Variants in FRMPD4 observed in about 807,000 individuals in gnomAD.
FRMPD4 encodes FERM and PDZ domain-containing protein 4.
FRMPD4 carries 22 observed loss-of-function variants against 94.1 expected under a neutral mutation model. That is an observed-to-expected ratio of 0.23 (90% CI 0.17 to 0.33). FRMPD4 has a LOEUF of 0.33. FRMPD4 is among the 10% of genes least tolerant of loss of function. The probability of loss-of-function intolerance (pLI) is 1.00; values close to 1 mark genes in which losing one functional copy is unlikely to be tolerated. For missense variants in FRMPD4, 1,111 were observed against 1,339.9 expected (o/e 0.83, Z 2.67); for synonymous variants, 631 against 548.6 (o/e 1.15, Z -2.10).
chrX:12,114,952 C>T (rs2055396131), intron 3 of FRMPD4, among the ~76,000 whole-genome samples: 3 of 112,026 alleles, frequency 2.7e-5, no homozygotes, highest in Admixed American at 9.5e-5. Context: ...GCTCACTTGC[C>T]AGATATCTTT....
At chrX:12,264,406 G>C in intron 1 of FRMPD4, among the ~76,000 whole-genome samples, 1 of 111,802 alleles carries the variant, frequency 8.9e-6, no homozygotes, top group Non-Finnish European at 1.9e-5. Flanking sequence ...ACAGGAGACA[G>C]TTGGGTGTTG....
chrX:12,086,642 G>A (rs146254091), intron 3 of FRMPD4, among the ~76,000 whole-genome samples: 3,508 of 111,480 alleles, frequency 0.031, 137 homozygotes, highest in African/African-American at 0.11. Flanking sequence ...GGGATGTGAC[G>A]TGGAGGGCCC....
chrX:12,452,208 CT>C (rs2057280693), intron 1 of FRMPD4, among the ~76,000 whole-genome samples: 1 of 111,446 alleles, frequency 9.0e-6, no homozygotes, highest in Non-Finnish European at 1.9e-5. Flanking sequence ...TTATTTTTTA[CT>C]TTGAATCTCC....
At position 12,378,225 on chromosome X, in the gene FRMPD4, G is replaced by C. The variant is rs936587886; in HGVS notation, c.42-120455G>C. On this transcript the variant is annotated intron_variant, in intron 1 of 16. Transcript: ENST00000675598. ...TTTGCTGGAAGAGAAAACTCCTCTG[G>C]AGAGGAAATTGGTATTGTATTTTAG... Among the ~76,000 whole-genome samples, 8 of 112,326 alleles carry C rather than the reference G, an allele frequency of 7.1e-5. No homozygotes were observed. In the East Asian group the frequency reaches 8.3e-4, roughly 12 times the overall value.
At chrX:11,853,418 C>A (rs1471829774) in intron 1 of FRMPD4, among the ~76,000 whole-genome samples, 1 of 110,334 alleles carries the variant, frequency 9.1e-6, no homozygotes, top group Non-Finnish European at 1.9e-5. Context: ...AAAGAAAAAA[C>A]CCTTCAAAAG....
intron 2 of FRMPD4, among the ~76,000 whole-genome samples, chrX:12,544,882 C>G (rs1199402285): frequency 8.9e-6 from 1 of 112,047 alleles, no homozygotes; most frequent in East Asian, 2.8e-4. Flanking sequence ...CTTTCTTCTT[C>G]TACAAAAAGA....
intron 3 of FRMPD4, among the ~76,000 whole-genome samples, chrX:11,930,107 C>CAAAAAGAAAAAAA: frequency 7.5e-5 from 1 of 13,256 alleles, no homozygotes; most frequent in Non-Finnish European, 1.3e-4. Context: ...GACTCTGTCT[C>CAAAAAGAAAAAAA]AAAAAAAAAA....
chrX:12,400,515 C>G (rs1320796883), intron 1 of FRMPD4, among the ~76,000 whole-genome samples: 2 of 111,970 alleles, frequency 1.8e-5, no homozygotes, highest in East Asian at 5.6e-4. Flanking sequence ...ATCACATTAA[C>G]AATCATCATT....
At chrX:11,942,201 G>A (rs1422984236) in intron 3 of FRMPD4, among the ~76,000 whole-genome samples, 1 of 108,002 alleles carries the variant, frequency 9.3e-6, no homozygotes, top group African/African-American at 3.3e-5. Flanking sequence ...GAATTTCATA[G>A]GCAATTATGT....
intron 1 of FRMPD4, among the ~76,000 whole-genome samples, chrX:12,364,522 G>A (rs967166037): frequency 1.8e-5 from 2 of 110,544 alleles, no homozygotes; most frequent in African/African-American, 3.3e-5. Flanking sequence ...TGGAGTATGA[G>A]AGCTCCATAA....
chrX:12,686,003 C>T lies in FRMPD4; in HGVS notation c.574-94C>T. 9.7e-6 allele frequency: 4 copies of T among 413,598 alleles called. No individual in the cohort carries two copies. In the South Asian group the frequency reaches 2.2e-4, roughly 23 times the overall value. The allele number at this position is 413,598 out of a possible 1,213,427, so 34.1% of individuals were successfully genotyped here. ...TAGAGAGTTTGATTGTTTTTTAATGCCATGCTTAGAATAAAGTATAGATGT... is the reference window on the plus strand; with the variant it reads ...TAGAGAGTTTGATTGTTTTTTAATGTCATGCTTAGAATAAAGTATAGATGT... On this transcript the variant is annotated intron_variant, in intron 6 of 16. Transcript: ENST00000675598.
chrX:12,136,412 G>T (rs896077217), upstream of FRMPD4, among the ~76,000 whole-genome samples: 1 of 110,422 alleles, frequency 9.1e-6, no homozygotes, highest in Admixed American at 9.7e-5. Context: ...CAAGAAAAAA[G>T]AATAAAACAG....
chrX:12,676,088 A>G (rs1372505910), intron 5 of FRMPD4, among the ~76,000 whole-genome samples: 1 of 112,305 alleles, frequency 8.9e-6, no homozygotes, highest in Non-Finnish European at 1.9e-5. Flanking sequence ...CTTTGACAGA[A>G]CTTACACACA....
intron 3 of FRMPD4, among the ~76,000 whole-genome samples, chrX:11,881,437 T>C (rs1474247898): frequency 2.7e-5 from 3 of 112,610 alleles, no homozygotes; most frequent in African/African-American, 9.7e-5. Flanking sequence ...CAAACTATGT[T>C]AAATCCTCAC....
chrX:12,709,756 T>C (rs896771217), intron 13 of FRMPD4, among the ~76,000 whole-genome samples: 1 of 112,482 alleles, frequency 8.9e-6, no homozygotes, highest in Non-Finnish European at 1.9e-5. Flanking sequence ...ATTTACCAGT[T>C]TAACATGTTT....
chrX:11,829,544 G>T (rs2053463356), intron 1 of FRMPD4, among the ~76,000 whole-genome samples: 1 of 111,743 alleles, frequency 8.9e-6, no homozygotes, highest in South Asian at 3.7e-4. Context: ...ACCTGCACAT[G>T]TACCCCCTGA....
chrX:11,958,962 G>A (rs1212245196), intron 3 of FRMPD4, among the ~76,000 whole-genome samples: 5 of 111,525 alleles, frequency 4.5e-5, no homozygotes. Context: ...GTTATGTTTG[G>A]ACTCCACTGA....
At chrX:12,628,592 G>C (rs374994808) in intron 4 of FRMPD4, among the ~76,000 whole-genome samples, 1 of 112,670 alleles carries the variant, frequency 8.9e-6, no homozygotes, top group East Asian at 2.8e-4. Flanking sequence ...GGCACAGGTT[G>C]CTGTGCTCTT....
intron 2 of FRMPD4, 39 bp downstream of exon 2, chrX:12,498,835 C>G: frequency 2.8e-6 from 2 of 712,818 alleles, no homozygotes; most frequent in Non-Finnish European, 4.3e-6. Context: ...GAATCCTTGG[C>G]CAATGGACTT....
Sources: gnomAD v4.1 joint callset for allele counts (sites outside exome capture counted in the v4.1 genomes callset) on GRCh38, gnomAD v4.1.1 for gene constraint, MANE v1.5 for transcripts, NCBI Gene and HGNC (gene_info 2026-07-23, HGNC 2026-07-21) for gene names.